LACTB2: variants seen among roughly 807,000 people sequenced by gnomAD.
LACTB2 encodes the protein lactamase beta 2, also known as endoribonuclease LACTB2.
In LACTB2, 32 loss-of-function variants were observed where a neutral mutation model predicts 34.8. The ratio of observed to expected loss-of-function variants is 0.92; its 90% CI spans 0.69 to 1.24. The LOEUF (loss-of-function observed/expected upper bound fraction) is 1.24, where lower values mean the gene tolerates loss of function less well. LACTB2 is among the 50% of genes most tolerant of loss of function. The pLI, the probability that LACTB2 is intolerant of heterozygous loss-of-function variation, is 0.00. For missense variants in LACTB2, 320 were observed against 345.0 expected, an observed-to-expected ratio of 0.93 and a Z score of 0.57; for synonymous variants, 120 against 117.5, an observed-to-expected ratio of 1.02 and a Z score of -0.14.
At chr8:70,660,781 C>G (rs775335021) in intron 2 of LACTB2, 2 of 456,242 alleles carry the variant, frequency 4.4e-6, no homozygotes, top group South Asian at 3.1e-5. Flanking sequence ...CCATGATTAT[C>G]TGATCTATTT....
intron 3 of LACTB2, among the ~76,000 whole-genome samples, chr8:70,655,990 A>G (rs2132077139): frequency 6.6e-6 from 1 of 152,238 alleles, no homozygotes; most frequent in East Asian, 1.9e-4. Flanking sequence ...GGCCATTTGC[A>G]TATCTTCTTT....
At chr8:70,642,861 T>C (rs539543105) in intron 4 of LACTB2, among the ~76,000 whole-genome samples, 7 of 152,166 alleles carry the variant, frequency 4.6e-5, no homozygotes, top group Non-Finnish European at 8.8e-5. Context: ...AACATGTTTC[T>C]TTTTCTGGAG....
chr8:70,643,951 T>C (rs539139248), intron 4 of LACTB2, 114 bp downstream of exon 4: 13 of 1,102,594 alleles, frequency 1.2e-5, no homozygotes, highest in South Asian at 1.0e-4. Context: ...CTTTGGGAGG[T>C]TGAGGTGGGA....
chr8:70,646,688 C>T (rs1818268249), intron 3 of LACTB2: 1 of 152,010 alleles, frequency 6.6e-6, no homozygotes, highest in Non-Finnish European at 1.5e-5. Context: ...TTCTTATTTA[C>T]ATTTATATTG....
intron 5 of LACTB2, 103 bp downstream of exon 5, chr8:70,640,799 G>T (rs148048900): frequency 4.0e-6 from 5 of 1,242,972 alleles, no homozygotes; most frequent in Non-Finnish European, 3.1e-6. Flanking sequence ...GAAAAGTGGC[G>T]TAACTTCTGA....
At chr8:70,652,437 A>C (rs1818354846) in intron 3 of LACTB2, 1 of 152,212 alleles carries the variant, frequency 6.6e-6, no homozygotes, top group South Asian at 2.1e-4. Context: ...CTTAATGAGA[A>C]TTTATATTTT....
intron 3 of LACTB2, chr8:70,651,756 A>G (rs1818346555): frequency 6.6e-6 from 1 of 152,222 alleles, no homozygotes; most frequent in Admixed American, 6.5e-5. Context: ...TCAATTCTCC[A>G]GTCACCTGGG....
At chr8:70,667,041 A>T (rs956922999) in intron 1 of LACTB2, among the ~76,000 whole-genome samples, 1 of 152,206 alleles carries the variant, frequency 6.6e-6, no homozygotes, top group Non-Finnish European at 1.5e-5. Context: ...AGATGAGATC[A>T]CCTAGGTAGA....
At chr8:70,653,655 A>G (rs1818373903) in intron 3 of LACTB2, 1 of 152,192 alleles carries the variant, frequency 6.6e-6, no homozygotes. Flanking sequence ...ATGGCTATCT[A>G]GTTACTAAAC....
chr8:70,661,558 T>C lies in LACTB2; in HGVS notation c.286+176A>G, dbSNP rs1818481226. On this transcript the variant is annotated intron_variant, in intron 2 of 6. Transcript: ENST00000276590. Reference sequence around the variant, plus strand: ...TTTGAAACAGAAATCAGGATTTCCGTTCCTCCTTTGTTAAAACTAGGCACA... The same window carrying C: ...TTTGAAACAGAAATCAGGATTTCCGCTCCTCCTTTGTTAAAACTAGGCACA... 5 of 526,766 alleles carry C rather than the reference T, an allele frequency of 9.5e-6. No individual in the cohort carries two copies. In the South Asian group the frequency reaches 1.5e-4, roughly 15 times the overall value. The allele number at this position is 526,766 out of a possible 1,614,324, so 32.6% of individuals were successfully genotyped here.
chr8:70,659,520 C>CT (rs1468002415), intron 2 of LACTB2, among the ~76,000 whole-genome samples: 5 of 152,128 alleles, frequency 3.3e-5, no homozygotes, highest in Admixed American at 2.6e-4. Flanking sequence ...ACCCCAAACT[C>CT]TATTATTTTG....
rs1477902008 is a variant in LACTB2 at position 70,638,530 on chromosome 8, A to G, written c.823+18T>C. 3 of 1,525,822 alleles carry G rather than the reference A, an allele frequency of 2.0e-6. No individual in the cohort carries two copies. The highest frequency in any genetic ancestry group is 2.5e-5 in the South Asian group (2 of 80,064). The allele number at this position is 1,525,822 out of a possible 1,614,324, so 94.5% of individuals were successfully genotyped here. A position where few individuals can be genotyped will look rare whatever the true frequency, so the allele number is the denominator to read the frequency against. ...TTTTAAATGCTGGTAATAGAAGAAA[A>G]TTTGGAAGCATACTCACATATTTTT... On this transcript the variant is annotated intron_variant, in intron 6 of 6. Transcript: ENST00000276590.
chr8:70,652,966 C>T (rs1818362630), intron 3 of LACTB2, among the ~76,000 whole-genome samples: 1 of 152,068 alleles, frequency 6.6e-6, no homozygotes, highest in Non-Finnish European at 1.5e-5. Flanking sequence ...CCATCTCTAC[C>T]CCTTTCATTA....
Position 70,644,250 on chromosome 8 carries a change from G to C in LACTB2, c.414-7C>G. 1 of 1,539,136 alleles carries C rather than the reference G, an allele frequency of 6.5e-7. No homozygotes were observed. Among genetic ancestry groups the C allele is most frequent in the Non-Finnish European group, 8.7e-7 (1 of 1,144,370 alleles). On this transcript the variant is annotated splice_region_variant and splice_polypyrimidine_tract_variant and intron_variant, in intron 3 of 6. Coordinates refer to ENST00000276590, the MANE Select transcript of LACTB2 (RefSeq NM_016027.3). ...GCCAGGGGTATATAGAACTCTGGTT[G>C]AAAGAAGAAATAAGGAATAATAACA...
chr8:70,659,689 A>G (rs1403353733), intron 2 of LACTB2, among the ~76,000 whole-genome samples: 2 of 152,234 alleles, frequency 1.3e-5, no homozygotes, highest in Non-Finnish European at 2.9e-5. Flanking sequence ...TGCTTATGAG[A>G]CCTTTAGTAG....
chr8:70,652,669 A>G (rs1177833439), intron 3 of LACTB2: 3 of 152,204 alleles, frequency 2.0e-5, no homozygotes, highest in Non-Finnish European at 4.4e-5. Flanking sequence ...TTTCTGGGAC[A>G]CTGATACTGT....
chr8:70,661,497 T>C, intron 2 of LACTB2: 1 of 396,558 alleles, frequency 2.5e-6, no homozygotes, highest in Admixed American at 4.3e-5. Flanking sequence ...TGATTAAGTC[T>C]GAATAGTAAC....
intron 6 of LACTB2, 137 bp downstream of exon 6, chr8:70,638,411 T>G (rs750870505): frequency 1.6e-5 from 15 of 942,566 alleles, no homozygotes; most frequent in African/African-American, 1.8e-5. Context: ...CTGACCTTCC[T>G]AGCGCCTGTC....
chr8:70,664,583 A>C (rs750049500), intron 1 of LACTB2, among the ~76,000 whole-genome samples: 1 of 152,154 alleles, frequency 6.6e-6, no homozygotes, highest in Non-Finnish European at 1.5e-5. Context: ...TCTCAAAAGA[A>C]AGAAAACAGA....
Sources: gnomAD v4.1 joint callset for allele counts (sites outside exome capture counted in the v4.1 genomes callset) on GRCh38, gnomAD v4.1.1 for gene constraint, MANE v1.5 for transcripts, NCBI Gene and HGNC (gene_info 2026-07-23, HGNC 2026-07-21) for gene names.